The following SVEP1 variants were observed in gnomAD, a reference collection of about 807,000 sequenced individuals.
SVEP1 encodes sushi, von Willebrand factor type A, EGF and pentraxin domain-containing protein 1.
A neutral mutation model predicts 367.3 loss-of-function variants in SVEP1; 164 were observed. That is an observed-to-expected ratio of 0.45 (90% CI 0.39 to 0.51). SVEP1 has a LOEUF of 0.51. Ranked by LOEUF, SVEP1 falls within the 20% of genes least tolerant of loss-of-function variation. The pLI is 0.00. For synonymous variants in SVEP1, 1,666 were observed against 1,611.6 expected, an observed-to-expected ratio of 1.03 and a Z score of -0.81; for missense variants, 4,117 against 4,425.3, an observed-to-expected ratio of 0.93 and a Z score of 1.98.
At chr9:110,463,298 CTT>C (rs1329957758) in intron 18 of SVEP1, among the ~76,000 whole-genome samples, 8 of 151,974 alleles carry the variant, frequency 5.3e-5, no homozygotes, top group Non-Finnish European at 7.4e-5. Context: ...ATTTCAGACT[CTT>C]GAGTGTGTAC....
intron 7 of SVEP1, 21 bp from the exon 8 acceptor site, chr9:110,496,954 A>T: frequency 6.9e-7 from 1 of 1,459,558 alleles, no homozygotes; most frequent in Non-Finnish European, 9.4e-7. Flanking sequence ...AAAATACACA[A>T]GTAGATTAAT....
chr9:110,389,585 C>T lies in SVEP1; in HGVS notation c.9825G>A (p.Gly3275=). The T allele has an allele frequency of 6.2e-7, 1 of 1,613,620 alleles. No individual in the cohort carries two copies. Among genetic ancestry groups the T allele is most frequent in the Non-Finnish European group, 8.5e-7 (1 of 1,179,736 alleles). ...YQCEPGYELE[G]NRERVCQENR... ...TCTCCTGGCAGACACGTTCCCTGTT[C>T]CCCTGTGAAACAATGGAGAAAGGTC... The change falls in exon 41 of 48, where the codon GGG becomes GGA. Residue 3275 remains glycine (G), a splice_region_variant and synonymous_variant. Transcript: ENST00000374469.
chr9:110,490,384 G>C (rs1022828254), intron 8 of SVEP1, among the ~76,000 whole-genome samples: 5 of 151,898 alleles, frequency 3.3e-5, no homozygotes, highest in Non-Finnish European at 7.4e-5. Context: ...ATCGATTATC[G>C]TAAACTATGG....
chr9:110,538,029 A>G (rs1830100172), intron 3 of SVEP1, among the ~76,000 whole-genome samples: 1 of 152,018 alleles, frequency 6.6e-6, no homozygotes, highest in Admixed American at 6.6e-5. Context: ...CACAATCCTT[A>G]TCTTGAGAAT....
intron 41 of SVEP1, 148 bp downstream of exon 41, chr9:110,389,376 A>AG: frequency 2.5e-6 from 2 of 805,412 alleles, no homozygotes; most frequent in East Asian, 5.4e-5. Flanking sequence ...ACTGCCCTTG[A>AG]GAAAAAGCCC....
intron 37 of SVEP1, among the ~76,000 whole-genome samples, chr9:110,410,858 C>CAGATGAATTAATTCATCAAG (rs1300245791): frequency 2.0e-5 from 3 of 152,042 alleles, no homozygotes; most frequent in South Asian, 4.2e-4. Flanking sequence ...CAACCTTAGG[C>CAGATGAATTAATTCATCAAG]AGATGAATTA....
chr9:110,493,769 A>G (rs1350943719), intron 8 of SVEP1, among the ~76,000 whole-genome samples: 1 of 152,016 alleles, frequency 6.6e-6, no homozygotes, highest in East Asian at 1.9e-4. Flanking sequence ...ACAAACAAAA[A>G]CAACAAGAAT....
At chr9:110,387,232 A>G in intron 42 of SVEP1, 53 bp downstream of exon 42, 1 of 1,506,550 alleles carries the variant, frequency 6.6e-7, no homozygotes, top group Non-Finnish European at 8.8e-7. Flanking sequence ...ATATGCGGGA[A>G]GCTAATCGTG....
chr9:110,440,001 T>C (rs1828489677), intron 27 of SVEP1, among the ~76,000 whole-genome samples: 1 of 152,124 alleles, frequency 6.6e-6, no homozygotes, highest in South Asian at 2.1e-4. Flanking sequence ...GAAAATAACA[T>C]AAAATGAAGT....
intron 3 of SVEP1, among the ~76,000 whole-genome samples, chr9:110,540,048 C>T (rs778439517): frequency 2.0e-5 from 3 of 151,886 alleles, no homozygotes; most frequent in Non-Finnish European, 2.9e-5. Flanking sequence ...GTAAAGATTA[C>T]GAGTTAATAT....
chr9:110,562,858 T>G (rs1180299245), intron 1 of SVEP1, among the ~76,000 whole-genome samples: 1 of 151,952 alleles, frequency 6.6e-6, no homozygotes, highest in Non-Finnish European at 1.5e-5. Context: ...CCCGGCCAAT[T>G]TTTTTGTATT....
chr9:110,378,637 C>T, intron 44 of SVEP1, among the ~76,000 whole-genome samples: 1 of 151,448 alleles, frequency 6.6e-6, no homozygotes, highest in Non-Finnish European at 1.5e-5. Context: ...CTTTTGTTGC[C>T]ATTGCTTTTG....
intron 3 of SVEP1, among the ~76,000 whole-genome samples, chr9:110,515,668 T>C (rs974958711): frequency 2.6e-5 from 4 of 152,160 alleles, no homozygotes; most frequent in African/African-American, 9.7e-5. Context: ...CATTACAAGA[T>C]TAATACTATC....
chr9:110,464,841 T>A (rs543057657), intron 18 of SVEP1, among the ~76,000 whole-genome samples: 1 of 152,340 alleles, frequency 6.6e-6, no homozygotes, highest in South Asian at 2.1e-4. Context: ...ACCTTTTTAG[T>A]CCAGTTCTAT....
rs778419964 is a variant in SVEP1 at position 110,472,262 on chromosome 9, A to G, written c.2661T>C (p.Thr887=). Residue 887 remains threonine (T), a synonymous_variant, in exon 15 of 48, where the codon ACT becomes ACC. Coordinates refer to ENST00000374469, the MANE Select transcript of SVEP1 (RefSeq NM_153366.4). ...CGATGCTTGTGGCTGTTTCTTGCACAGTGTCCAGGAAGTCATCGTAAGAGT... is the reference window on the plus strand; with the variant it reads ...CGATGCTTGTGGCTGTTTCTTGCACGGTGTCCAGGAAGTCATCGTAAGAGT... ...LDYSYDDFLD[T]VQETATSIGN... 3 of 1,613,488 alleles carry G rather than the reference A, an allele frequency of 1.9e-6. No individual in the cohort carries two copies. Among genetic ancestry groups the G allele is most frequent in the Non-Finnish European group, 2.5e-6 (3 of 1,179,794 alleles).
chr9:110,445,445 A>C (rs920449493), intron 26 of SVEP1, among the ~76,000 whole-genome samples: 1 of 152,204 alleles, frequency 6.6e-6, no homozygotes, highest in Admixed American at 6.5e-5. Flanking sequence ...CTATTATATA[A>C]AAGAAAGAGC....
intron 36 of SVEP1, among the ~76,000 whole-genome samples, chr9:110,413,396 T>G (rs1363625268): frequency 3.5e-5 from 3 of 86,924 alleles, no homozygotes; most frequent in South Asian, 4.6e-4. Flanking sequence ...TGTTGTGGGG[T>G]GGGGGGAGGG....
intron 45 of SVEP1, among the ~76,000 whole-genome samples, chr9:110,376,352 A>G (rs570496945): frequency 4.6e-5 from 7 of 152,328 alleles, no homozygotes; most frequent in Non-Finnish European, 1.0e-4. Flanking sequence ...GACTCTTGAC[A>G]TAAGGGCAGG....
rs1827974881 is a variant in SVEP1, at chr9:110,407,548, G to T, written c.8052C>A (p.Thr2684=). The change falls in exon 38 of 48, where the codon ACC becomes ACA. Residue 2684 remains threonine, a synonymous_variant. Transcript: ENST00000374469. ...CCAGAAGTTCATATCCTGGATTACA[G>T]GTGTATGAAACCATGGTACCATACA... ...NFLYGTMVSY[T]CNPGYELLGN... 3 of 1,613,988 alleles carry T rather than the reference G, an allele frequency of 1.9e-6. No homozygotes were observed. Among genetic ancestry groups the T allele is most frequent in the Non-Finnish European group, 1.7e-6 (2 of 1,179,890 alleles).
Sources: gnomAD v4.1 joint callset for allele counts (sites outside exome capture counted in the v4.1 genomes callset) on GRCh38, gnomAD v4.1.1 for gene constraint, MANE v1.5 for transcripts, NCBI Gene and HGNC (gene_info 2026-07-23, HGNC 2026-07-21) for gene names.